Variants in NBEA observed in about 807,000 individuals in gnomAD.
The protein encoded by NBEA is lysosomal-trafficking regulator 2.
NBEA carries 44 observed loss-of-function variants against 343.4 expected under a neutral mutation model. The observed-to-expected ratio is 0.13, with a 90% CI of 0.10 to 0.16. The LOEUF (loss-of-function observed/expected upper bound fraction) is 0.16, where lower values mean the gene tolerates loss of function less well. Ranked by LOEUF, NBEA falls within the 10% of genes least tolerant of loss-of-function variation. The pLI is 1.00. For missense variants in NBEA, 2,555 were observed against 3,631.3 expected, an observed-to-expected ratio of 0.70 and a Z score of 7.62; for synonymous variants, 1,175 against 1,238.7, an observed-to-expected ratio of 0.95 and a Z score of 1.08.
intron 35 of NBEA, among the ~76,000 whole-genome samples, chr13:35,296,145 A>G (rs2036114151): frequency 6.6e-6 from 1 of 152,132 alleles, no homozygotes; most frequent in Non-Finnish European, 1.5e-5. Context: ...TAATCCCAGC[A>G]CTTTGGGAGG....
At chr13:34,977,085 C>T (rs1377699105) in intron 1 of NBEA, among the ~76,000 whole-genome samples, 3 of 151,508 alleles carry the variant, frequency 2.0e-5, no homozygotes, top group Non-Finnish European at 4.4e-5. Context: ...GAATTACAGG[C>T]GTGCACCATC....
intron 38 of NBEA, among the ~76,000 whole-genome samples, chr13:35,390,435 C>T (rs1054267594): frequency 1.3e-5 from 2 of 152,132 alleles, no homozygotes; most frequent in Non-Finnish European, 2.9e-5. Flanking sequence ...TATTCCTGTT[C>T]TTTCCCAAAC....
At chr13:35,277,747 T>A (rs574469980) in intron 34 of NBEA, among the ~76,000 whole-genome samples, 31 of 151,310 alleles carry the variant, frequency 2.0e-4, no homozygotes, top group African/African-American at 7.3e-4. Context: ...AAACCTAGAT[T>A]CTAGTCATTC....
At chr13:35,257,421 G>C (rs117729207) in intron 34 of NBEA, among the ~76,000 whole-genome samples, 1,859 of 152,152 alleles carry the variant, frequency 0.012, 14 homozygotes, top group Middle Eastern at 0.034. Context: ...ACATAAAATA[G>C]TCACCTAACT....
chr13:35,615,140 A>C (rs2082681368), intron 48 of NBEA, among the ~76,000 whole-genome samples: 1 of 148,356 alleles, frequency 6.7e-6, no homozygotes, highest in East Asian at 2.0e-4. Flanking sequence ...AAAAAAAAAA[A>C]AAACAAAAAA....
At chr13:34,954,081 C>T (rs762086470) in intron 1 of NBEA, among the ~76,000 whole-genome samples, 5 of 152,128 alleles carry the variant, frequency 3.3e-5, no homozygotes, top group East Asian at 3.9e-4. Flanking sequence ...GGTTGGGGAT[C>T]GCTGCCCTAA....
chr13:35,118,811 G>A (rs1413310819), intron 16 of NBEA, among the ~76,000 whole-genome samples: 3 of 151,162 alleles, frequency 2.0e-5, no homozygotes, highest in East Asian at 1.9e-4. Context: ...TATGAGGCCC[G>A]AGAGAGATTA....
chr13:35,608,566 A>C (rs919522423), intron 48 of NBEA, among the ~76,000 whole-genome samples: 2 of 152,168 alleles, frequency 1.3e-5, no homozygotes, highest in African/African-American at 4.8e-5. Context: ...CCTGCTTGGC[A>C]CATACTAGTT....
Position 35,071,959 on chromosome 13 carries a change from T to G in NBEA, c.1571+1107T>G, listed in dbSNP as rs999821346. Among the ~76,000 whole-genome samples the G allele has an allele frequency of 2.6e-5, 4 of 152,228 alleles. No individual in the cohort carries two copies. The East Asian group carries it at 7.7e-4, about 29-fold the overall frequency. On this transcript the variant is annotated intron_variant, in intron 10 of 58. Transcript: ENST00000379939. Reference sequence around the variant, plus strand: ...TCAATATAGTGTAAAGGTTGGAGTTTTGAAAGTAAAAAGCTTTGAAGTGAA... The same window carrying G: ...TCAATATAGTGTAAAGGTTGGAGTTGTGAAAGTAAAAAGCTTTGAAGTGAA...
In NBEA at chr13:35,653,001, G is replaced by T. The variant is rs927451855; in HGVS notation, c.8035+1125G>T. Among the ~76,000 whole-genome samples the T allele has an allele frequency of 5.3e-5, 8 of 151,902 alleles. No homozygotes were observed. In the East Asian group the frequency reaches 1.6e-3, roughly 30 times the overall value. On this transcript the variant is annotated intron_variant, in intron 53 of 58. Coordinates refer to ENST00000379939, the MANE Select transcript of NBEA (RefSeq NM_001385012.1). ...GAGCCACCGCGCCCGGCCACCTCTGGCAGTCTTTATCACTGAATTTTTTTA... is the reference window on the plus strand; with the variant it reads ...GAGCCACCGCGCCCGGCCACCTCTGTCAGTCTTTATCACTGAATTTTTTTA...
chr13:35,540,123 A>T (rs2078752296), intron 41 of NBEA, among the ~76,000 whole-genome samples: 2 of 152,010 alleles, frequency 1.3e-5, no homozygotes, highest in Admixed American at 1.3e-4. Flanking sequence ...AAATACTTTT[A>T]AAAAGAGAAA....
intron 1 of NBEA, among the ~76,000 whole-genome samples, chr13:35,010,600 G>T (rs1156706577): frequency 3.4e-5 from 5 of 147,292 alleles, no homozygotes; most frequent in South Asian, 2.2e-4. Context: ...AAAAATAGAT[G>T]GGCCAGGCAT....
intron 41 of NBEA, 140 bp downstream of exon 41, chr13:35,472,676 C>G (rs758460656): frequency 8.2e-5 from 67 of 815,050 alleles, no homozygotes; most frequent in Non-Finnish European, 1.2e-4. Flanking sequence ...AATGAAATAG[C>G]ATGTTCTCTT....
chr13:35,255,337 TC>T (rs35622325), intron 34 of NBEA, among the ~76,000 whole-genome samples: 1 of 152,254 alleles, frequency 6.6e-6, no homozygotes, highest in Non-Finnish European at 1.5e-5. Flanking sequence ...GTGGCACTTT[TC>T]CCTGAGTTTT....
In NBEA at chr13:35,159,226, C is replaced by T. The variant is rs759732645; in HGVS notation, c.3055C>T (p.Pro1019Ser). Residue 1019 changes from proline (P) to serine (S), a missense_variant, in exon 22 of 59, where the codon CCT (proline) becomes TCT (serine). Physicochemically the swap from Pro to Ser is moderately conservative, Grantham distance 74. This residue lies in a region of NBEA where 367 missense variants were observed against 377.5 expected (regional missense o/e 0.97). Coordinates refer to ENST00000379939, the MANE Select transcript of NBEA (RefSeq NM_001385012.1). ...GAGCCCAGAAAGTGAGACCGATTAC[C>T]CTGTCAGCACAGATACTCGAGACTT... ...SQSPESETDY[P>S]VSTDTRDLLM... is the part of the protein sequence containing the mutation. The T allele has an allele frequency of 1.5e-5, 25 of 1,613,310 alleles. No homozygotes were observed. Among genetic ancestry groups the T allele is most frequent in the Non-Finnish European group, 2.1e-5 (25 of 1,179,624 alleles).
At chr13:35,108,984 C>A (rs760567381) in intron 11 of NBEA, among the ~76,000 whole-genome samples, 1 of 152,088 alleles carries the variant, frequency 6.6e-6, no homozygotes, top group East Asian at 1.9e-4. Context: ...TCAATTTCTA[C>A]AAAAAATGAA....
At chr13:35,498,064 T>C (rs2076747905) in intron 41 of NBEA, among the ~76,000 whole-genome samples, 1 of 152,022 alleles carries the variant, frequency 6.6e-6, no homozygotes, top group Admixed American at 6.6e-5. Flanking sequence ...TTCTATTCTT[T>C]AAAGGTCATA....
intron 34 of NBEA, among the ~76,000 whole-genome samples, chr13:35,274,708 A>G (rs2034449392): frequency 1.3e-5 from 2 of 152,194 alleles, no homozygotes; most frequent in African/African-American, 2.4e-5. Context: ...AAGCATTCCT[A>G]TACACCAGTA....
chr13:35,358,004 A>G (rs761679143), intron 38 of NBEA, among the ~76,000 whole-genome samples: 1 of 151,956 alleles, frequency 6.6e-6, no homozygotes, highest in African/African-American at 2.4e-5. Context: ...TGTTGATTTT[A>G]TTTGTTTTAT....
Sources: allele counts gnomAD v4.1 joint callset (sites outside exome capture counted in the v4.1 genomes callset), GRCh38; gene constraint gnomAD v4.1.1; regional missense constraint gnomAD v4.1.1; transcripts MANE v1.5; gene names NCBI Gene and HGNC (gene_info 2026-07-23, HGNC 2026-07-21).